NAALADL2: variants seen among roughly 807,000 people sequenced by gnomAD.
NAALADL2 encodes N-acetylated alpha-linked acidic dipeptidase like 2, also known as inactive N-acetylated-alpha-linked acidic dipeptidase-like protein 2.
A neutral mutation model predicts 87.2 loss-of-function variants in NAALADL2; 76 were observed. The ratio of observed to expected loss-of-function variants is 0.87; its 90% CI spans 0.72 to 1.05. The LOEUF (loss-of-function observed/expected upper bound fraction) is 1.05, where lower values mean the gene tolerates loss of function less well. Among genes scored for constraint, NAALADL2 ranks in the 50% least tolerant of loss-of-function variants. The pLI, the probability that NAALADL2 is intolerant of heterozygous loss-of-function variation, is 0.00. For missense variants in NAALADL2, 1,089 were observed against 945.8 expected (o/e 1.15, Z -1.99); for synonymous variants, 354 against 331.0 (o/e 1.07, Z -0.75).
intron 2 of NAALADL2, among the ~76,000 whole-genome samples, chr3:175,184,260 G>C (rs1372705393): frequency 6.6e-6 from 1 of 152,044 alleles, no homozygotes. Flanking sequence ...CTCCTTTAGA[G>C]CCTCAGAACT....
intron 2 of NAALADL2, among the ~76,000 whole-genome samples, chr3:175,157,193 C>A (rs16824337): frequency 0.033 from 4,971 of 152,058 alleles, 111 homozygotes; most frequent in Middle Eastern, 0.071. Context: ...TGTCTACCTC[C>A]AGTTGCGCCT....
chr3:174,448,894 G>A (rs1286841955), intron 1 of NAALADL2, among the ~76,000 whole-genome samples: 1 of 152,092 alleles, frequency 6.6e-6, no homozygotes, highest in Non-Finnish European at 1.5e-5. Context: ...AAGCCTGGGG[G>A]TTGGTTTCCT....
rs1208729245 is a variant in NAALADL2 at position 175,113,702 on chromosome 3, T to A, written c.545+16411T>A. Among the ~76,000 whole-genome samples, 4 of 151,584 alleles carry A rather than the reference T, an allele frequency of 2.6e-5. No homozygotes were observed. The East Asian group carries it at 7.8e-4, about 29-fold the overall frequency. ...TGATGAAAAGAGGCTAGTTGGACCC[T>A]GAACATGCAGTGGTTTTATAACAGG... On this transcript the variant is annotated intron_variant, in intron 2 of 13. Transcript: ENST00000454872.
chr3:174,779,010 G>A (rs972712822), intron 3 of NAALADL2, among the ~76,000 whole-genome samples: 4 of 152,114 alleles, frequency 2.6e-5, no homozygotes, highest in Admixed American at 6.5e-5. Flanking sequence ...GGGATTGCTG[G>A]GTCAAATGGT....
chr3:175,008,090 T>C (rs954628743), intron 1 of NAALADL2, among the ~76,000 whole-genome samples: 1 of 152,154 alleles, frequency 6.6e-6, no homozygotes, highest in Admixed American at 6.6e-5. Flanking sequence ...AATTTACAAA[T>C]GCTTGCCCTG....
chr3:174,655,352 T>C (rs1724804515), intron 2 of NAALADL2, among the ~76,000 whole-genome samples: 1 of 151,272 alleles, frequency 6.6e-6, no homozygotes, highest in Non-Finnish European at 1.5e-5. Flanking sequence ...TTTCATGTGA[T>C]ACTAAAGAAG....
intron 2 of NAALADL2, among the ~76,000 whole-genome samples, chr3:174,694,048 A>T (rs950795161): frequency 9.2e-5 from 14 of 152,228 alleles, no homozygotes; most frequent in African/African-American, 3.4e-4. Context: ...AGTCTTACAT[A>T]CACCTCTGCA....
In NAALADL2 at chr3:175,804,241, AG is replaced by A. The variant is rs1354926672; in HGVS notation, c.*1039del. Reference sequence around the variant, plus strand: ...AAGAAATAGTTGTTTTATCAATAAAAGCCCCTTAATATTATGAAGAAACTTT... The same window carrying A: ...AAGAAATAGTTGTTTTATCAATAAAACCCCTTAATATTATGAAGAAACTTT... On this transcript the variant is annotated 3_prime_UTR_variant, in exon 14 of 14. Coordinates refer to ENST00000454872, the MANE Select transcript of NAALADL2 (RefSeq NM_207015.3). 6.6e-6 allele frequency: 1 copy of A among 151,882 alleles called. No individual in the cohort carries two copies. The highest frequency in any genetic ancestry group is 1.5e-5 in the Non-Finnish European group (1 of 67,840). The allele number at this position is 151,882 out of a possible 1,614,324, so 9.4% of individuals were successfully genotyped here.
chr3:175,599,612 G>T (rs563536726), intron 10 of NAALADL2, among the ~76,000 whole-genome samples: 3 of 150,572 alleles, frequency 2.0e-5, no homozygotes, highest in African/African-American at 7.3e-5. Flanking sequence ...TAACATTCAG[G>T]CTTCTTCATC....
chr3:175,467,298 T>A, intron 8 of NAALADL2, 114 bp downstream of exon 8: 1 of 779,560 alleles, frequency 1.3e-6, no homozygotes, highest in South Asian at 1.8e-5. Context: ...ACAAGTGTCA[T>A]ATTGCCTAAT....
intron 13 of NAALADL2, among the ~76,000 whole-genome samples, chr3:175,762,118 G>T (rs1378125300): frequency 1.3e-5 from 2 of 149,848 alleles, no homozygotes; most frequent in Non-Finnish European, 3.0e-5. Flanking sequence ...AAGTTTTATA[G>T]TATAGCATTT....
Position 174,641,298 on chromosome 3 carries a change from C to T in NAALADL2, c.-115+90661C>T, listed in dbSNP as rs550467355. 5.9e-5 allele frequency among the ~76,000 whole-genome samples: 9 copies of T among 152,264 alleles called. No individual in the cohort carries two copies. The South Asian group carries it at 1.7e-3, about 28-fold the overall frequency. On this transcript the variant is annotated intron_variant, in intron 2 of 3. Transcript: ENST00000434257. ...ACACCTTGAGTGCAGCCTGTGAGGC[C>T]CTGAGCGGAGGTTCAGCAGCTCCTG...
rs934820822 is a variant in NAALADL2, at chr3:175,309,531, G to GA, written c.940-14635dup. ...ACAAGCAATAAATTATAAAATTGTA[G>GA]AAAAAAAAACGTGGTTTAAAAAAAT... On this transcript the variant is annotated intron_variant, in intron 4 of 13. Transcript: ENST00000454872. Among the ~76,000 whole-genome samples, 85 of 147,050 alleles carry GA rather than the reference G, an allele frequency of 5.8e-4. 1 individual carries two copies. Among genetic ancestry groups the GA allele is most frequent in the Admixed American group, 4.0e-3 (59 of 14,736 alleles).
chr3:174,915,875 G>A (rs971856905), intron 1 of NAALADL2, among the ~76,000 whole-genome samples: 12 of 152,178 alleles, frequency 7.9e-5, no homozygotes, highest in Middle Eastern at 3.4e-3. Context: ...TTAGATAAAT[G>A]GGACCTAACC....
rs868351808 is a variant in NAALADL2, at chr3:175,423,051, A to T, written c.1091-24178A>T. Among the ~76,000 whole-genome samples the T allele has an allele frequency of 2.9e-3, 265 of 91,490 alleles. 1 individual carries two copies. The highest frequency in any genetic ancestry group is 7.2e-3 in the Admixed American group (48 of 6,654). 60.0% of individuals were successfully genotyped at this position (91,490 alleles called of 152,430 possible). On this transcript the variant is annotated intron_variant, in intron 5 of 13. Coordinates refer to ENST00000454872, the MANE Select transcript of NAALADL2 (RefSeq NM_207015.3). Reference sequence around the variant, plus strand: ...AAAATATATATATATATATATATATATTTTTTTTTTTTCCTGAGTTGTAGA... The same window carrying T: ...AAAATATATATATATATATATATATTTTTTTTTTTTTTCCTGAGTTGTAGA...
chr3:174,876,702 T>A (rs1213605349), intron 1 of NAALADL2, among the ~76,000 whole-genome samples: 21 of 152,194 alleles, frequency 1.4e-4, no homozygotes, highest in Admixed American at 8.5e-4. Context: ...TTTGACTTTG[T>A]TAATGATTTA....
chr3:174,563,680 TTAAC>T (rs2108516981), intron 2 of NAALADL2, among the ~76,000 whole-genome samples: 1 of 152,254 alleles, frequency 6.6e-6, no homozygotes, highest in South Asian at 2.1e-4. Flanking sequence ...CCTAAGTTAT[TTAAC>T]TATGTGTTTT....
chr3:174,487,922 T>C (rs1717957017), intron 1 of NAALADL2, among the ~76,000 whole-genome samples: 2 of 151,978 alleles, frequency 1.3e-5, no homozygotes, highest in South Asian at 4.1e-4. Flanking sequence ...GTCACCAGGA[T>C]TTACGTAGCA....
rs145082869 is a variant in NAALADL2 at position 174,448,272 on chromosome 3, C to T, written c.-184+7240C>T. Among the ~76,000 whole-genome samples, 413 of 152,278 alleles carry T rather than the reference C, an allele frequency of 2.7e-3. 1 individual carries two copies. Among genetic ancestry groups the T allele is most frequent in the Non-Finnish European group, 4.5e-3 (309 of 68,030 alleles). ...AAAAACCAGGAAATTGACATTGATA[C>T]AATGTGTGTGTATAGTTCTGTGTCA... On this transcript the variant is annotated intron_variant, in intron 1 of 3. Coordinates refer to the NAALADL2 transcript ENST00000434257.
Sources: allele counts gnomAD v4.1 joint callset (sites outside exome capture counted in the v4.1 genomes callset), GRCh38; gene constraint gnomAD v4.1.1; transcripts MANE v1.5; gene names NCBI Gene and HGNC (gene_info 2026-07-23, HGNC 2026-07-21).